ZNF407: variants seen among roughly 807,000 people sequenced by gnomAD.
The protein encoded by ZNF407 is zinc finger protein 407.
A neutral mutation model predicts 131.2 loss-of-function variants in ZNF407; 17 were observed. The ratio of observed to expected loss-of-function variants is 0.13; its 90% CI spans 0.09 to 0.19. ZNF407 has a LOEUF of 0.19. Ranked by LOEUF, ZNF407 falls within the 10% of genes least tolerant of loss-of-function variation. The pLI, the probability that ZNF407 is intolerant of heterozygous loss-of-function variation, is 1.00. For synonymous variants in ZNF407, 1,156 were observed against 1,062.0 expected, an observed-to-expected ratio of 1.09 and a Z score of -1.72; for missense variants, 2,681 against 2,830.6, an observed-to-expected ratio of 0.95 and a Z score of 1.20.
intron 8 of ZNF407, among the ~76,000 whole-genome samples, chr18:74,943,787 C>T (rs911391259): frequency 1.6e-4 from 24 of 152,156 alleles, no homozygotes; most frequent in Admixed American, 9.8e-4. Context: ...TCATGGACCG[C>T]GAGCCCAATA....
intron 8 of ZNF407, among the ~76,000 whole-genome samples, chr18:75,003,767 A>G (rs950238660): frequency 3.3e-5 from 5 of 152,218 alleles, no homozygotes; most frequent in Non-Finnish European, 7.3e-5. Context: ...TCTGTATTAC[A>G]CATTATTTTG....
intron 8 of ZNF407, among the ~76,000 whole-genome samples, chr18:74,926,502 A>G (rs1202000659): frequency 6.6e-6 from 1 of 152,192 alleles, no homozygotes; most frequent in Non-Finnish European, 1.5e-5. Flanking sequence ...TTCTAATGAC[A>G]CATTTTAAAA....
intron 4 of ZNF407, among the ~76,000 whole-genome samples, chr18:74,824,927 A>G (rs563637108): frequency 2.6e-5 from 4 of 152,342 alleles, no homozygotes; most frequent in African/African-American, 4.8e-5. Flanking sequence ...AGTTCAGGCC[A>G]GTATCCCTGA....
intron 4 of ZNF407, among the ~76,000 whole-genome samples, chr18:74,807,854 A>G (rs1970135255): frequency 6.6e-6 from 1 of 152,176 alleles, no homozygotes; most frequent in Non-Finnish European, 1.5e-5. Context: ...TCACGGACAC[A>G]TACATTGATG....
At chr18:74,962,727 G>A (rs1972361220) in intron 8 of ZNF407, among the ~76,000 whole-genome samples, 1 of 152,220 alleles carries the variant, frequency 6.6e-6, no homozygotes, top group African/African-American at 2.4e-5. Context: ...GATTCCAAGA[G>A]TCAATTCTGA....
chr18:74,845,888 G>A (rs963574043), intron 4 of ZNF407, among the ~76,000 whole-genome samples: 3 of 152,184 alleles, frequency 2.0e-5, no homozygotes, highest in African/African-American at 7.2e-5. Flanking sequence ...AACTGATTAT[G>A]TAAGTTAGTT....
intron 8 of ZNF407, among the ~76,000 whole-genome samples, chr18:74,962,329 C>T (rs1395779825): frequency 1.3e-5 from 2 of 152,248 alleles, no homozygotes; most frequent in Non-Finnish European, 2.9e-5. Flanking sequence ...ATCTTCACAA[C>T]AGCCCAAAAC....
At chr18:74,750,272 T>G (rs754808608) in intron 3 of ZNF407, among the ~76,000 whole-genome samples, 13 of 152,202 alleles carry the variant, frequency 8.5e-5, no homozygotes, top group Non-Finnish European at 1.6e-4. Context: ...AGATGCAAAA[T>G]TGTTTAACAG....
At chr18:74,654,626 A>G (rs1985370096) in intron 3 of ZNF407, among the ~76,000 whole-genome samples, 1 of 151,854 alleles carries the variant, frequency 6.6e-6, no homozygotes. Context: ...AGAAAACTAT[A>G]AGTAGAAAAT....
rs572507564 is a variant in ZNF407 at position 74,633,516 on chromosome 18, T to C, written c.2497T>C (p.Leu833=). 6.2e-7 allele frequency: 1 copy of C among 1,613,952 alleles called. No individual in the cohort carries two copies. Among genetic ancestry groups the C allele is most frequent in the South Asian group, 1.1e-5 (1 of 91,070 alleles). The change falls in exon 2 of 9, where the codon TTA becomes CTA. Residue 833 remains leucine, a synonymous_variant. Coordinates refer to ENST00000299687, the MANE Select transcript of ZNF407 (RefSeq NM_017757.3). The part of the protein sequence containing the change: ...QSGGSTKDDE[L]ASTTTPKRGR... ...TGGTGGTAGCACCAAAGATGATGAATTAGCTTCAACCACTACTCCAAAGAG... is the reference window on the plus strand; with the variant it reads ...TGGTGGTAGCACCAAAGATGATGAACTAGCTTCAACCACTACTCCAAAGAG...
chr18:74,814,182 C>G (rs903358563), intron 4 of ZNF407, among the ~76,000 whole-genome samples: 1 of 152,158 alleles, frequency 6.6e-6, no homozygotes, highest in Non-Finnish European at 1.5e-5. Context: ...GTTGCCCAAG[C>G]CAGAGTATAG....
At chr18:74,975,069 TATGTAAAG>T (rs1218755866) in intron 8 of ZNF407, among the ~76,000 whole-genome samples, 4 of 152,256 alleles carry the variant, frequency 2.6e-5, no homozygotes, top group Non-Finnish European at 5.9e-5. Flanking sequence ...GCTCAGTCTT[TATGTAAAG>T]CGTAATTCTG....
chr18:74,935,359 C>T (rs1367340840), intron 8 of ZNF407, among the ~76,000 whole-genome samples: 1 of 152,062 alleles, frequency 6.6e-6, no homozygotes, highest in Admixed American at 6.6e-5. Flanking sequence ...TTGACATTTT[C>T]TTAGAGCATC....
chr18:74,876,195 A>T (rs949586334), intron 4 of ZNF407, among the ~76,000 whole-genome samples: 1 of 152,226 alleles, frequency 6.6e-6, no homozygotes, highest in African/African-American at 2.4e-5. Flanking sequence ...TTGCATTAAA[A>T]TGCTAAAATT....
chr18:74,948,157 T>A lies in ZNF407; in HGVS notation c.5428+27465T>A, dbSNP rs138697308. Among the ~76,000 whole-genome samples the A allele has an allele frequency of 1.3e-3, 198 of 152,352 alleles. 4 individuals are homozygous for A. The East Asian group carries it at 0.033, about 25-fold the overall frequency. Reference sequence around the variant, plus strand: ...GTTCTGCTTGCTGCGTCTGTTAGCTTATATTGCTTTAACTACTCAGAAGAG... The same window carrying A: ...GTTCTGCTTGCTGCGTCTGTTAGCTAATATTGCTTTAACTACTCAGAAGAG... On this transcript the variant is annotated intron_variant, in intron 8 of 8. Coordinates refer to ENST00000299687, the MANE Select transcript of ZNF407 (RefSeq NM_017757.3).
At chr18:74,886,383 A>G (rs1971309305) in intron 6 of ZNF407, among the ~76,000 whole-genome samples, 1 of 152,198 alleles carries the variant, frequency 6.6e-6, no homozygotes, top group African/African-American at 2.4e-5. Context: ...ACCATATTAT[A>G]CACATATGCC....
chr18:74,831,997 A>G (rs541425704), intron 4 of ZNF407, among the ~76,000 whole-genome samples: 13 of 152,212 alleles, frequency 8.5e-5, no homozygotes, highest in Admixed American at 7.2e-4. Flanking sequence ...ACCTTACACT[A>G]AGATTTGTAA....
chr18:74,821,366 A>G (rs1970337704), intron 4 of ZNF407, among the ~76,000 whole-genome samples: 1 of 151,934 alleles, frequency 6.6e-6, no homozygotes, highest in South Asian at 2.1e-4. Context: ...GGTTTGCTGC[A>G]CCCATTAACC....
At chr18:74,994,808 C>G (rs1252558600) in intron 8 of ZNF407, among the ~76,000 whole-genome samples, 1 of 152,128 alleles carries the variant, frequency 6.6e-6, no homozygotes, top group African/African-American at 2.4e-5. Flanking sequence ...AGTGAGCGGC[C>G]ACAGCACAGT....
Sources: allele counts gnomAD v4.1 joint callset (sites outside exome capture counted in the v4.1 genomes callset), GRCh38; gene constraint gnomAD v4.1.1; transcripts MANE v1.5; gene names NCBI Gene and HGNC (gene_info 2026-07-23, HGNC 2026-07-21).